Variants in KCNH7 observed in about 807,000 individuals in gnomAD.
The protein encoded by KCNH7 is potassium voltage-gated channel subfamily H member 7, also known as voltage-gated inwardly rectifying potassium channel KCNH7.
In KCNH7, 49 loss-of-function variants were observed where a neutral mutation model predicts 120.8. The observed-to-expected ratio is 0.41, with a 90% CI of 0.32 to 0.51. The LOEUF (loss-of-function observed/expected upper bound fraction) is 0.51, where lower values mean the gene tolerates loss of function less well. KCNH7 is among the 20% of genes least tolerant of loss of function. KCNH7 has a pLI of 0.38. For missense variants in KCNH7, 1,097 were observed against 1,446.6 expected, an observed-to-expected ratio of 0.76 and a Z score of 3.92; for synonymous variants, 547 against 516.1, an observed-to-expected ratio of 1.06 and a Z score of -0.81.
intron 12 of KCNH7, among the ~76,000 whole-genome samples, chr2:162,388,485 G>A (rs2105420494): frequency 6.6e-6 from 1 of 151,764 alleles, no homozygotes; most frequent in African/African-American, 2.4e-5. Flanking sequence ...CCATAAATAT[G>A]TACAACTTTT....
chr2:162,483,200 G>C (rs1200608634), intron 6 of KCNH7, among the ~76,000 whole-genome samples: 1 of 152,074 alleles, frequency 6.6e-6, no homozygotes, highest in Non-Finnish European at 1.5e-5. Flanking sequence ...GGGAAACAGA[G>C]GTGCATATAT....
chr2:162,802,940 T>A (rs2105547137), intron 2 of KCNH7, among the ~76,000 whole-genome samples: 1 of 151,880 alleles, frequency 6.6e-6, no homozygotes, highest in East Asian at 1.9e-4. Flanking sequence ...GTGATACTAA[T>A]CGGATATTCA....
intron 2 of KCNH7, among the ~76,000 whole-genome samples, chr2:162,558,617 T>C (rs766504977): frequency 6.5e-4 from 98 of 150,238 alleles, no homozygotes; most frequent in Non-Finnish European, 1.3e-3. Context: ...GTAAGTTACA[T>C]GACCTTTTAA....
chr2:162,681,810 ATT>A (rs71410025), intron 2 of KCNH7, among the ~76,000 whole-genome samples: 68 of 141,096 alleles, frequency 4.8e-4, no homozygotes, highest in Non-Finnish European at 5.5e-4. Flanking sequence ...GGGGTCTGTG[ATT>A]TTTTTTTTTT....
At chr2:162,735,714 T>A (rs1687880980) in intron 2 of KCNH7, among the ~76,000 whole-genome samples, 1 of 152,178 alleles carries the variant, frequency 6.6e-6, no homozygotes, top group Admixed American at 6.6e-5. Context: ...TTAAAAAGCC[T>A]AATCTCCAAA....
intron 2 of KCNH7, among the ~76,000 whole-genome samples, chr2:162,815,985 G>A (rs1684904937): frequency 6.6e-6 from 1 of 152,010 alleles, no homozygotes; most frequent in Non-Finnish European, 1.5e-5. Context: ...ACGGCAGGGT[G>A]CAGTGGCCCA....
intron 2 of KCNH7, 124 bp from the exon 3 acceptor site, chr2:162,537,204 AT>A: frequency 2.9e-6 from 2 of 690,074 alleles, no homozygotes; most frequent in Non-Finnish European, 4.5e-6. Flanking sequence ...ATATTAAAAA[AT>A]AATTTGATCT....
At chr2:162,790,070 AAAC>A (rs1284886484) in intron 2 of KCNH7, among the ~76,000 whole-genome samples, 1 of 151,900 alleles carries the variant, frequency 6.6e-6, no homozygotes, top group Non-Finnish European at 1.5e-5. Context: ...TTAAGAAGAT[AAAC>A]AACATTGACA....
At position 162,504,618 on chromosome 2, in the gene KCNH7, G is replaced by A. The variant is rs1293206286; in HGVS notation, c.953C>T (p.Thr318Ile). The A allele has an allele frequency of 6.2e-7, 1 of 1,612,610 alleles. No homozygotes were observed. Among genetic ancestry groups the A allele is most frequent in the Non-Finnish European group, 8.5e-7 (1 of 1,179,018 alleles). The change falls in exon 6 of 16, where the codon ACA (threonine) becomes ATA (isoleucine). Residue 318 changes from threonine to isoleucine, a missense_variant. Physicochemically the swap from Thr to Ile is moderately conservative, Grantham distance 89. This residue lies in a region of KCNH7 where 362 missense variants were observed against 372.2 expected (regional missense o/e 0.97). Coordinates refer to ENST00000332142, the MANE Select transcript of KCNH7 (RefSeq NM_033272.4). ...NHIKSSLLGS[T>I]SDSNLNKYST... ...GTATTTGTTGAGGTTTGAATCTGAT[G>A]TGGATCCCAGGAGGCTTGACTTGAT...
At chr2:162,825,604 G>T (rs1461679347) in intron 2 of KCNH7, among the ~76,000 whole-genome samples, 1 of 151,950 alleles carries the variant, frequency 6.6e-6, no homozygotes, top group African/African-American at 2.4e-5. Flanking sequence ...AAGTACAGGT[G>T]GTCAAGATGG....
intron 2 of KCNH7, among the ~76,000 whole-genome samples, chr2:162,639,307 G>C (rs1684068908): frequency 6.6e-6 from 1 of 152,092 alleles, no homozygotes; most frequent in Non-Finnish European, 1.5e-5. Flanking sequence ...GTGTGAGATA[G>C]GTAGGCACTT....
At chr2:162,629,022 T>A (rs532520529) in intron 2 of KCNH7, among the ~76,000 whole-genome samples, 1 of 152,174 alleles carries the variant, frequency 6.6e-6, no homozygotes, top group East Asian at 1.9e-4. Context: ...CCAGAATCAA[T>A]CAATGCCACC....
chr2:162,649,299 T>A lies in KCNH7; in HGVS notation c.308-112219A>T, dbSNP rs537596198. On this transcript the variant is annotated intron_variant, in intron 2 of 15. Coordinates refer to ENST00000332142, the MANE Select transcript of KCNH7 (RefSeq NM_033272.4). Reference sequence around the variant, plus strand: ...TTAAGATTATATCAGAATAATTATGTCACAAGACTTTTTGTTTTGAGAGAA... The same window carrying A: ...TTAAGATTATATCAGAATAATTATGACACAAGACTTTTTGTTTTGAGAGAA... Among the ~76,000 whole-genome samples the A allele has an allele frequency of 2.0e-5, 3 of 152,334 alleles. No individual in the cohort carries two copies. In the South Asian group the frequency reaches 6.2e-4, roughly 32 times the overall value.
intron 2 of KCNH7, among the ~76,000 whole-genome samples, chr2:162,643,197 A>G (rs961042551): frequency 1.3e-5 from 2 of 151,848 alleles, no homozygotes; most frequent in African/African-American, 4.8e-5. Flanking sequence ...CACCTTCCAA[A>G]CTTTTTGTAT....
intron 6 of KCNH7, chr2:162,502,138 A>G (rs770898330): frequency 6.6e-5 from 10 of 151,984 alleles, no homozygotes; most frequent in African/African-American, 1.2e-4. Context: ...TGCTTTCATA[A>G]CTTTGTTCTT....
At chr2:162,432,402 C>T (rs1395168966) in intron 8 of KCNH7, among the ~76,000 whole-genome samples, 1 of 151,860 alleles carries the variant, frequency 6.6e-6, no homozygotes, top group African/African-American at 2.4e-5. Context: ...ACTAAAATAA[C>T]ACTAAAAATA....
At chr2:162,683,167 CTAT>C (rs764269721) in intron 2 of KCNH7, among the ~76,000 whole-genome samples, 104 of 151,846 alleles carry the variant, frequency 6.8e-4, no homozygotes, top group Non-Finnish European at 1.1e-3. Context: ...GTGATGATGT[CTAT>C]TTATTTGCTT....
intron 6 of KCNH7, among the ~76,000 whole-genome samples, chr2:162,461,942 G>A (rs558507846): frequency 6.6e-6 from 1 of 152,156 alleles, no homozygotes; most frequent in African/African-American, 2.4e-5. Flanking sequence ...GTGATGAAAT[G>A]GTATTTCTTT....
At chr2:162,628,806 G>A (rs1398045047) in intron 2 of KCNH7, among the ~76,000 whole-genome samples, 3 of 152,056 alleles carry the variant, frequency 2.0e-5, no homozygotes, top group African/African-American at 7.2e-5. Context: ...TGGCTGGCTA[G>A]TATTCCACGG....
Sources: gnomAD v4.1 joint callset for allele counts (sites outside exome capture counted in the v4.1 genomes callset) on GRCh38, gnomAD v4.1.1 for gene constraint, gnomAD v4.1.1 regional missense constraint, MANE v1.5 for transcripts, NCBI Gene and HGNC (gene_info 2026-07-23, HGNC 2026-07-21) for gene names.